Variants in RTN1 observed in about 807,000 individuals in gnomAD.
RTN1 encodes the protein reticulon-1.
Under a neutral mutation model 65.5 loss-of-function variants are expected in RTN1, and 25 were observed. That is an observed-to-expected ratio of 0.38 (90% confidence interval 0.28 to 0.53). The LOEUF is 0.53. Among genes scored for constraint, RTN1 ranks in the 20% least tolerant of loss-of-function variants. RTN1 has a pLI of 0.79. For missense variants in RTN1, 983 were observed against 1,025.4 expected, an observed-to-expected ratio of 0.96 and a Z score of 0.57; for synonymous variants, 471 against 447.6, an observed-to-expected ratio of 1.05 and a Z score of -0.66.
At chr14:59,778,045 G>A (rs148386603) in intron 1 of RTN1, among the ~76,000 whole-genome samples, 138 of 152,110 alleles carry the variant, frequency 9.1e-4, no homozygotes, top group African/African-American at 3.2e-3. Flanking sequence ...GCTTTTGCAT[G>A]TGCTGTCCCT....
intron 3 of RTN1, among the ~76,000 whole-genome samples, chr14:59,688,668 C>A (rs949064883): frequency 2.0e-5 from 3 of 152,186 alleles, no homozygotes; most frequent in Non-Finnish European, 4.4e-5. Flanking sequence ...AAGATAAGAC[C>A]TGTCAGCAGA....
chr14:59,602,446 G>A (rs1222128288), intron 8 of RTN1, among the ~76,000 whole-genome samples: 1 of 152,102 alleles, frequency 6.6e-6, no homozygotes, highest in Non-Finnish European at 1.5e-5. Context: ...TAATGATCAT[G>A]TTAGCTATGG....
intron 3 of RTN1, among the ~76,000 whole-genome samples, chr14:59,718,712 T>C (rs1884589071): frequency 6.6e-6 from 1 of 152,182 alleles, no homozygotes; most frequent in Non-Finnish European, 1.5e-5. Context: ...TGGATGAGTT[T>C]TTCCAAAAGC....
chr14:59,834,234 TAAA>T (rs1887176252), intron 1 of RTN1, among the ~76,000 whole-genome samples: 1 of 152,088 alleles, frequency 6.6e-6, no homozygotes, highest in Admixed American at 6.5e-5. Context: ...GACCTATATA[TAAA>T]ACCTGAAACT....
At chr14:59,607,550 C>CGGCTCA in intron 3 of RTN1, 58 bp from the exon 4 acceptor site, 1 of 1,405,180 alleles carries the variant, frequency 7.1e-7, no homozygotes, top group Non-Finnish European at 9.9e-7. Context: ...ACATGAGCCG[C>CGGCTCA]TGTGGCTCAC....
intron 3 of RTN1, among the ~76,000 whole-genome samples, chr14:59,611,243 C>A (rs1178635774): frequency 1.3e-5 from 2 of 152,096 alleles, no homozygotes; most frequent in Non-Finnish European, 2.9e-5. Flanking sequence ...TGGCTACCTG[C>A]CTGTGGTTCA....
In RTN1 at chr14:59,764,801, T is replaced by A. The variant is rs554175045; in HGVS notation, c.242-18320A>T. 5.9e-5 allele frequency among the ~76,000 whole-genome samples: 9 copies of A among 152,306 alleles called. No homozygotes were observed. In the East Asian group the frequency reaches 1.7e-3, roughly 29 times the overall value. ...TGAATGGGATAATTATCTTCATAATTTGCTTTCTACCCCCTACACTGTACC... is the reference window on the plus strand; with the variant it reads ...TGAATGGGATAATTATCTTCATAATATGCTTTCTACCCCCTACACTGTACC... On this transcript the variant is annotated intron_variant, in intron 1 of 8. Transcript: ENST00000267484.
intron 1 of RTN1, among the ~76,000 whole-genome samples, chr14:59,820,379 T>TG (rs1886921879): frequency 7.3e-6 from 1 of 137,916 alleles, no homozygotes; most frequent in Non-Finnish European, 1.6e-5. Context: ...TTTTTTTTTT[T>TG]GCTGTGCAGA....
chr14:59,791,896 G>A (rs563330166), intron 1 of RTN1, among the ~76,000 whole-genome samples: 273 of 152,156 alleles, frequency 1.8e-3, no homozygotes, highest in Non-Finnish European at 3.1e-3. Context: ...CATAGGGGGA[G>A]CTTTCCAAAT....
At chr14:59,864,002 G>A (rs1887755485) in intron 1 of RTN1, among the ~76,000 whole-genome samples, 2 of 152,226 alleles carry the variant, frequency 1.3e-5, no homozygotes, top group East Asian at 3.9e-4. Flanking sequence ...CTACTAGTAG[G>A]TCACTCTTGC....
At chr14:59,679,839 A>G (rs1883708285) in intron 3 of RTN1, among the ~76,000 whole-genome samples, 1 of 152,224 alleles carries the variant, frequency 6.6e-6, no homozygotes, top group Non-Finnish European at 1.5e-5. Context: ...GCTTCCATAC[A>G]GAACAATTTG....
chr14:59,829,572 G>A lies in RTN1; in HGVS notation c.241+40818C>T, dbSNP rs773942040. Among the ~76,000 whole-genome samples the A allele has an allele frequency of 5.3e-5, 8 of 152,160 alleles. No homozygotes were observed. The highest frequency in any genetic ancestry group is 1.0e-4 in the Non-Finnish European group (7 of 68,042). On this transcript the variant is annotated intron_variant, in intron 1 of 8. Coordinates refer to ENST00000267484, the MANE Select transcript of RTN1 (RefSeq NM_021136.3). The surrounding 1 kb of genome is among the most constrained non-coding windows in gnomAD (Gnocchi z 4.3). ...CTGCACATTAAAAATATAAATAGAT[G>A]GCAGACAGCTAGACATAGGTGGAGG...
At chr14:59,661,613 A>G (rs1353111027) in intron 3 of RTN1, among the ~76,000 whole-genome samples, 3 of 152,220 alleles carry the variant, frequency 2.0e-5, no homozygotes, top group African/African-American at 4.8e-5. Context: ...AAATCAATAA[A>G]TGTAATCCAT....
At chr14:59,709,105 G>A (rs1302134221) in intron 3 of RTN1, among the ~76,000 whole-genome samples, 1 of 152,106 alleles carries the variant, frequency 6.6e-6, no homozygotes, top group South Asian at 2.1e-4. Flanking sequence ...ATGTAATAAT[G>A]AGCCTAACTA....
intron 3 of RTN1, among the ~76,000 whole-genome samples, chr14:59,717,179 T>C (rs983344291): frequency 9.2e-5 from 14 of 152,088 alleles, no homozygotes; most frequent in African/African-American, 1.2e-4. Flanking sequence ...AAGAGTGAAT[T>C]TGGAAGTGAA....
Position 59,603,184 on chromosome 14 carries a change from C to T in RTN1, c.2229+28G>A, listed in dbSNP as rs199874663. 8.5e-4 allele frequency: 1,363 copies of T among 1,611,856 alleles called. 3 individuals carry two copies. The highest frequency in any genetic ancestry group is 3.1e-3 in the Middle Eastern group (19 of 6,050). On this transcript the variant is annotated intron_variant, in intron 7 of 8. Transcript: ENST00000267484. ...AAGATGATGAGGTCAAAATTCAATG[C>T]CATTTTTTGACATCACATAGAACTT...
At chr14:59,742,273 T>G (rs1434048896) in intron 2 of RTN1, among the ~76,000 whole-genome samples, 1 of 152,222 alleles carries the variant, frequency 6.6e-6, no homozygotes, top group East Asian at 1.9e-4. Context: ...TATTGTCCTT[T>G]TTGAGGCTAA....
chr14:59,732,872 C>T (rs762172833), intron 2 of RTN1, among the ~76,000 whole-genome samples: 5 of 152,170 alleles, frequency 3.3e-5, no homozygotes, highest in Admixed American at 6.5e-5. Flanking sequence ...CCCACTGGCT[C>T]GGAATTTCAG....
At chr14:59,667,022 C>CCAGAGGTA (rs1455992801) in intron 3 of RTN1, among the ~76,000 whole-genome samples, 1 of 145,412 alleles carries the variant, frequency 6.9e-6, no homozygotes, top group Non-Finnish European at 1.5e-5. Context: ...CTGAATTCTA[C>CCAGAGGTA]CAGAGGTACA....
Sources: gnomAD v4.1 joint callset for allele counts (sites outside exome capture counted in the v4.1 genomes callset) on GRCh38, gnomAD v4.1.1 for gene constraint, Gnocchi (gnomAD v3.1) non-coding constraint, MANE v1.5 for transcripts, NCBI Gene and HGNC (gene_info 2026-07-23, HGNC 2026-07-21) for gene names.